DHX8: variants seen among roughly 807,000 people sequenced by gnomAD.
DHX8 encodes the protein DEAH-box helicase 8.
Under a neutral mutation model 140.7 loss-of-function variants are expected in DHX8, and 67 were observed. The ratio of observed to expected loss-of-function variants is 0.48; its 90% CI spans 0.39 to 0.58. DHX8 has a LOEUF of 0.58. Among genes scored for constraint, DHX8 ranks in the 20% least tolerant of loss-of-function variants. The probability of loss-of-function intolerance (pLI) is 0.00; values close to 1 mark genes in which losing one functional copy is unlikely to be tolerated. For missense variants in DHX8, 887 were observed against 1,550.7 expected (o/e 0.57, Z 7.19); for synonymous variants, 533 against 553.2 (o/e 0.96, Z 0.51).
rs138028607 is a variant in DHX8 at position 43,522,462 on chromosome 17, G to A, written c.3443+236G>A. Among the ~76,000 whole-genome samples the A allele has an allele frequency of 4.0e-3, 602 of 152,090 alleles. 3 individuals are homozygous for A. Among genetic ancestry groups the A allele is most frequent in the Non-Finnish European group, 6.9e-3 (470 of 67,962 alleles). ...AAAAAATTGTGGTTTAAAAAACTACGTAGTGGCCAGGCACAGTGGCTCATG... is the reference window on the plus strand; with the variant it reads ...AAAAAATTGTGGTTTAAAAAACTACATAGTGGCCAGGCACAGTGGCTCATG... On this transcript the variant is annotated intron_variant, in intron 22 of 22. Coordinates refer to ENST00000262415, the MANE Select transcript of DHX8 (RefSeq NM_004941.3).
chr17:43,534,775 A>G (rs1169217329), intron 2 of DHX8, among the ~76,000 whole-genome samples: 1 of 152,180 alleles, frequency 6.6e-6, no homozygotes, highest in Middle Eastern at 3.4e-3. Flanking sequence ...CCCCATCTCT[A>G]CTAAAATACA....
In DHX8 at chr17:43,536,588, C is replaced by G. The variant is rs937705165; in HGVS notation, c.*20+90C>G. 1.5e-5 allele frequency: 13 copies of G among 892,388 alleles called. No homozygotes were observed. In the African/African-American group the frequency reaches 1.5e-4, roughly 10 times the overall value. 55.3% of individuals were successfully genotyped at this position (892,388 alleles called of 1,614,324 possible). On this transcript the variant is annotated intron_variant, in intron 3 of 3. Coordinates refer to the DHX8 transcript ENST00000589898. ...GCAACAGCCAAGAAAGGACCAACAG[C>G]CTTTAGATCAGGGGTGTCCACATTG...
At chr17:43,543,296 T>TCTCTCTCA (rs888736657) in intron 3 of DHX8, among the ~76,000 whole-genome samples, 13 of 143,452 alleles carry the variant, frequency 9.1e-5, no homozygotes, top group Non-Finnish European at 1.2e-4. Flanking sequence ...TCTCTCTCTC[T>TCTCTCTCA]CACACACACA....
At chr17:43,536,522 T>A in intron 3 of DHX8, 1 of 1,593,138 alleles carries the variant, frequency 6.3e-7, no homozygotes, top group Middle Eastern at 1.7e-4. Context: ...GGAGCCCTGG[T>A]TGTCCCCTGG....
chr17:43,518,051 C>G (rs1287099049), intron 18 of DHX8: 1 of 152,208 alleles, frequency 6.6e-6, no homozygotes, highest in Non-Finnish European at 1.5e-5. Flanking sequence ...CAGCTCCAAA[C>G]TGCGACTTTG....
chr17:43,501,692 T>C (rs1043163291), intron 11 of DHX8, among the ~76,000 whole-genome samples: 4 of 151,362 alleles, frequency 2.6e-5, no homozygotes, highest in African/African-American at 9.7e-5. Context: ...TCCATGTTGG[T>C]CAGGCTGGTC....
At chr17:43,504,566 G>T in intron 11 of DHX8, 78 bp from the exon 12 acceptor site, 2 of 1,425,044 alleles carry the variant, frequency 1.4e-6, no homozygotes, top group Non-Finnish European at 1.9e-6. Flanking sequence ...TGCAGTGCCC[G>T]CATGCCATTT....
At chr17:43,495,929 T>C (rs904788160) in intron 8 of DHX8, among the ~76,000 whole-genome samples, 1 of 151,874 alleles carries the variant, frequency 6.6e-6, no homozygotes, top group Non-Finnish European at 1.5e-5. Context: ...GAGACCCTGT[T>C]TCTAGAAAAA....
At chr17:43,519,589 G>T (rs1220860142) in intron 18 of DHX8, 1 of 151,582 alleles carries the variant, frequency 6.6e-6, no homozygotes, top group Non-Finnish European at 1.5e-5. Context: ...GGACTCAAGC[G>T]ATTCTCCCTC....
chr17:43,505,521 A>G (rs1027035477), intron 12 of DHX8, among the ~76,000 whole-genome samples: 2 of 152,106 alleles, frequency 1.3e-5, no homozygotes, highest in South Asian at 2.1e-4. Flanking sequence ...GTGAACTGCA[A>G]TCACACCACT....
chr17:43,501,412 C>CT (rs1969188870), intron 11 of DHX8, among the ~76,000 whole-genome samples: 1 of 152,126 alleles, frequency 6.6e-6, no homozygotes, highest in African/African-American at 2.4e-5. Flanking sequence ...CAGGCCAGGG[C>CT]TTTGTAGGTG....
chr17:43,512,128 C>G (rs1969877018), intron 16 of DHX8, among the ~76,000 whole-genome samples: 1 of 151,508 alleles, frequency 6.6e-6, no homozygotes, highest in Non-Finnish European at 1.5e-5. Flanking sequence ...GTGGCTCACA[C>G]CTGTAATCCC....
At chr17:43,520,681 G>C (rs1970330509) in intron 19 of DHX8, 70 bp from the exon 20 acceptor site, 7 of 1,598,780 alleles carry the variant, frequency 4.4e-6, no homozygotes, top group Non-Finnish European at 6.0e-6. Context: ...CTCTGACCAA[G>C]GTCTTGCTCT....
rs940775029 is a variant in DHX8 at position 43,524,666 on chromosome 17, G to A, written c.*819G>A. 4 of 985,464 alleles carry A rather than the reference G, an allele frequency of 4.1e-6. No homozygotes were observed. The highest frequency in any genetic ancestry group is 4.8e-6 in the Non-Finnish European group (4 of 829,954). 61.0% of individuals were successfully genotyped at this position (985,464 alleles called of 1,614,324 possible). Reference sequence around the variant, plus strand: ...TCCCTCCACCTCCCACATTCGCAATGTGCAGCATGTCCCATTTCCTTTTGA... The same window carrying A: ...TCCCTCCACCTCCCACATTCGCAATATGCAGCATGTCCCATTTCCTTTTGA... On this transcript the variant is annotated 3_prime_UTR_variant, in exon 23 of 23. Transcript: ENST00000262415.
At chr17:43,528,414 C>T, downstream of DHX8, 1 of 777,460 alleles carries the variant, frequency 1.3e-6, no homozygotes, top group South Asian at 1.8e-5. Flanking sequence ...GGGATCTGCC[C>T]CAGAGACATC....
chr17:43,535,862 C>G (rs1971216155), intron 2 of DHX8, among the ~76,000 whole-genome samples: 1 of 152,160 alleles, frequency 6.6e-6, no homozygotes, highest in South Asian at 2.1e-4. Context: ...CCTGTAGTCC[C>G]AACACTATGG....
downstream of DHX8, chr17:43,529,385 G>T: frequency 7.0e-7 from 1 of 1,428,908 alleles, no homozygotes; most frequent in Non-Finnish European, 9.6e-7. Context: ...GGCTTGGCAA[G>T]AATTCAGGTT....
chr17:43,541,460 G>A (rs1163205370), intron 3 of DHX8, among the ~76,000 whole-genome samples: 3 of 152,062 alleles, frequency 2.0e-5, no homozygotes, highest in African/African-American at 7.2e-5. Flanking sequence ...TAAGGAGGGG[G>A]TGGGAAAAGT....
At chr17:43,522,402 G>C (rs796538898) in intron 22 of DHX8, among the ~76,000 whole-genome samples, 176 bp downstream of exon 22, 18 of 151,950 alleles carry the variant, frequency 1.2e-4, no homozygotes, top group African/African-American at 4.3e-4. Flanking sequence ...CCCTATGAGA[G>C]AATTAAAATC....
Sources: gnomAD v4.1 joint callset for allele counts (sites outside exome capture counted in the v4.1 genomes callset) on GRCh38, gnomAD v4.1.1 for gene constraint, MANE v1.5 for transcripts, NCBI Gene and HGNC (gene_info 2026-07-23, HGNC 2026-07-21) for gene names.